Variants in MEGF11 observed in about 807,000 individuals in gnomAD.
The protein encoded by MEGF11 is multiple EGF like domains 11.
Under a neutral mutation model 146.6 loss-of-function variants are expected in MEGF11, and 126 were observed. The observed-to-expected ratio is 0.86, with a 90% CI of 0.74 to 1.00. The LOEUF (loss-of-function observed/expected upper bound fraction) is 1.00. Among genes scored for constraint, MEGF11 ranks in the 50% least tolerant of loss-of-function variants. The pLI is 0.00. For missense variants in MEGF11, 1,509 were observed against 1,521.2 expected, an observed-to-expected ratio of 0.99 and a Z score of 0.13; for synonymous variants, 532 against 583.4, an observed-to-expected ratio of 0.91 and a Z score of 1.27.
intron 5 of MEGF11, among the ~76,000 whole-genome samples, chr15:66,079,503 C>A (rs1055711281): frequency 1.3e-5 from 2 of 151,306 alleles, no homozygotes; most frequent in African/African-American, 2.4e-5. Flanking sequence ...CCACTCAGCA[C>A]CCTAACAACC....
At chr15:66,182,831 T>A (rs1157230610) in intron 1 of MEGF11, among the ~76,000 whole-genome samples, 1 of 152,162 alleles carries the variant, frequency 6.6e-6, no homozygotes, top group Non-Finnish European at 1.5e-5. Context: ...AGACACTTCT[T>A]TTACTAAGAC....
At chr15:66,087,564 C>T (rs2086161172) in intron 5 of MEGF11, among the ~76,000 whole-genome samples, 1 of 152,148 alleles carries the variant, frequency 6.6e-6, no homozygotes. Flanking sequence ...ATAACCTGCT[C>T]CTGAATGAGC....
chr15:65,997,682 C>G (rs935335082), intron 5 of MEGF11, among the ~76,000 whole-genome samples: 2 of 152,132 alleles, frequency 1.3e-5, no homozygotes, highest in African/African-American at 4.8e-5. Flanking sequence ...GTTTTATTCA[C>G]TGTTATATCC....
intron 1 of MEGF11, among the ~76,000 whole-genome samples, chr15:66,241,536 G>T (rs2092209039): frequency 1.3e-5 from 2 of 152,178 alleles, no homozygotes; most frequent in South Asian, 4.1e-4. Context: ...GGCCCCATGT[G>T]CCTCCAGTGG....
intron 1 of MEGF11, among the ~76,000 whole-genome samples, chr15:66,141,915 G>T (rs2089184774): frequency 6.6e-6 from 1 of 152,170 alleles, no homozygotes; most frequent in Non-Finnish European, 1.5e-5. Flanking sequence ...AAGGGGATAA[G>T]CCCTACTCCT....
chr15:66,001,554 C>T (rs569652932), intron 5 of MEGF11, among the ~76,000 whole-genome samples: 1 of 152,170 alleles, frequency 6.6e-6, no homozygotes, highest in South Asian at 2.1e-4. Flanking sequence ...AAGCAGCTTC[C>T]CTGGTGTCTC....
intron 10 of MEGF11, among the ~76,000 whole-genome samples, chr15:65,951,109 T>C (rs746760698): frequency 6.6e-6 from 1 of 152,166 alleles, no homozygotes; most frequent in East Asian, 1.9e-4. Context: ...CTTAGGGAGA[T>C]AGAACCTGAG....
intron 5 of MEGF11, among the ~76,000 whole-genome samples, chr15:65,987,229 C>G (rs1346861085): frequency 6.6e-6 from 1 of 152,206 alleles, no homozygotes. Context: ...AGTGAATTTT[C>G]TCATTTAATT....
chr15:65,942,958 C>CA (rs1453993161), intron 10 of MEGF11, among the ~76,000 whole-genome samples: 4 of 107,872 alleles, frequency 3.7e-5, no homozygotes, highest in East Asian at 5.7e-4. Flanking sequence ...AAAACAAAAA[C>CA]AAAAAAACAA....
intron 5 of MEGF11, among the ~76,000 whole-genome samples, chr15:66,006,985 ATTCT>A (rs2082539320): frequency 6.6e-6 from 1 of 152,218 alleles, no homozygotes; most frequent in Admixed American, 6.5e-5. Flanking sequence ...ACCTCACCAC[ATTCT>A]TTCTATTAGC....
At chr15:66,093,357 T>C (rs1487412782) in intron 5 of MEGF11, among the ~76,000 whole-genome samples, 2 of 152,076 alleles carry the variant, frequency 1.3e-5, no homozygotes, top group Non-Finnish European at 2.9e-5. Flanking sequence ...AAAAGGACAA[T>C]AGCACTACAC....
chr15:66,151,398 A>G (rs74021651), intron 1 of MEGF11, among the ~76,000 whole-genome samples: 17,865 of 152,092 alleles, frequency 0.12, 2,089 homozygotes, highest in African/African-American at 0.31. Context: ...GAAGGTGGGG[A>G]TGAGGGAGAG....
intron 1 of MEGF11, among the ~76,000 whole-genome samples, chr15:66,160,484 T>C (rs2089913465): frequency 6.6e-6 from 1 of 152,176 alleles, no homozygotes; most frequent in African/African-American, 2.4e-5. Flanking sequence ...AATACTCCCA[T>C]TGGTTTAAAA....
intron 5 of MEGF11, among the ~76,000 whole-genome samples, chr15:66,035,307 G>GCT (rs2083687533): frequency 6.6e-6 from 1 of 151,188 alleles, no homozygotes; most frequent in Non-Finnish European, 1.5e-5. Context: ...TGCTGCCGCT[G>GCT]GTGCTGCCAC....
intron 1 of MEGF11, among the ~76,000 whole-genome samples, chr15:66,176,534 T>C (rs1310806614): frequency 6.6e-6 from 1 of 152,184 alleles, no homozygotes; most frequent in Non-Finnish European, 1.5e-5. Context: ...AGAGCCTCAG[T>C]CACACCAGTG....
At chr15:66,000,764 G>A (rs1385840246) in intron 5 of MEGF11, among the ~76,000 whole-genome samples, 5 of 152,290 alleles carry the variant, frequency 3.3e-5, no homozygotes, top group Middle Eastern at 3.4e-3. Flanking sequence ...GTGGAGAGAC[G>A]GAGACACTAT....
rs574591036 is a variant in MEGF11, at chr15:66,187,335, T to C, written c.-8-58924A>G. Among the ~76,000 whole-genome samples, 3 of 152,294 alleles carry C rather than the reference T, an allele frequency of 2.0e-5. No homozygotes were observed. The East Asian group carries it at 5.8e-4, about 29-fold the overall frequency. On this transcript the variant is annotated intron_variant, in intron 1 of 25. Coordinates refer to ENST00000395614, the MANE Select transcript of MEGF11 (RefSeq NM_001385028.1). ...TGTGAAAGGACAGAAAGAGCAGGCC[T>C]TCCCAGATACCTGTCATGTTCTTCC...
At position 65,982,638 on chromosome 15, in the gene MEGF11, T is replaced by A; in HGVS notation, c.395-150A>T. The A allele has an allele frequency of 1.1e-6, 1 of 881,480 alleles. No homozygotes were observed. Among genetic ancestry groups the A allele is most frequent in the Non-Finnish European group, 1.6e-6 (1 of 619,756 alleles). The allele number at this position is 881,480 out of a possible 1,614,324, so 54.6% of individuals were successfully genotyped here. On this transcript the variant is annotated intron_variant, in intron 5 of 25. Transcript: ENST00000395614. This position sits in a 1 kb window ranked among gnomAD's most constrained non-coding sequence, Gnocchi z 5.6. ...AGGGGTGCCTGGAAGCTTTGGTGCC[T>A]CATAACCTGCATCAGTTCTTCCACC... is the stretch of plus-strand genomic sequence containing the variant.
At chr15:66,240,935 C>A (rs1415041974) in intron 1 of MEGF11, among the ~76,000 whole-genome samples, 1 of 152,206 alleles carries the variant, frequency 6.6e-6, no homozygotes, top group African/African-American at 2.4e-5. Flanking sequence ...GAAAAGACAT[C>A]TTTGACTCCT....
Sources: allele counts gnomAD v4.1 joint callset (sites outside exome capture counted in the v4.1 genomes callset), GRCh38; gene constraint gnomAD v4.1.1; non-coding constraint Gnocchi (gnomAD v3.1); transcripts MANE v1.5; gene names NCBI Gene and HGNC (gene_info 2026-07-23, HGNC 2026-07-21).